Variants in SRP54 observed in about 807,000 individuals in gnomAD.
SRP54 encodes signal recognition particle subunit SRP54.
Under a neutral mutation model 64.8 loss-of-function variants are expected in SRP54, and 10 were observed. The observed-to-expected ratio is 0.15, with a 90% CI of 0.10 to 0.26. The LOEUF is 0.26. Among genes scored for constraint, SRP54 ranks in the 10% least tolerant of loss-of-function variants. The probability of loss-of-function intolerance (pLI) is 1.00; values close to 1 mark genes in which losing one functional copy is unlikely to be tolerated. For missense variants in SRP54, 325 were observed against 613.7 expected, an observed-to-expected ratio of 0.53 and a Z score of 4.97; for synonymous variants, 193 against 185.6, an observed-to-expected ratio of 1.04 and a Z score of -0.32.
chr14:34,994,523 T>C (rs1327375992), intron 1 of SRP54, among the ~76,000 whole-genome samples: 1 of 152,166 alleles, frequency 6.6e-6, no homozygotes, highest in Non-Finnish European at 1.5e-5. Flanking sequence ...TGTATACACC[T>C]CTGTCCTAAG....
chr14:35,014,411 G>A (rs1274254122), intron 10 of SRP54, among the ~76,000 whole-genome samples: 1 of 151,898 alleles, frequency 6.6e-6, no homozygotes, highest in African/African-American at 2.4e-5. Flanking sequence ...CCAGGTAGCT[G>A]GGATTACAGG....
At chr14:35,010,624 G>T (rs1340145005) in intron 7 of SRP54, among the ~76,000 whole-genome samples, 1 of 151,646 alleles carries the variant, frequency 6.6e-6, no homozygotes, top group Admixed American at 6.6e-5. Flanking sequence ...AATTAGCCAG[G>T]CCTGGTGGCA....
intron 8 of SRP54, among the ~76,000 whole-genome samples, chr14:35,012,373 G>C (rs2044369441): frequency 6.6e-6 from 1 of 152,062 alleles, no homozygotes; most frequent in Non-Finnish European, 1.5e-5. Context: ...ACAATTTGGG[G>C]GAGGAGAAGC....
At chr14:35,015,622 T>C (rs1333382239) in intron 11 of SRP54, among the ~76,000 whole-genome samples, 1 of 152,228 alleles carries the variant, frequency 6.6e-6, no homozygotes, top group Non-Finnish European at 1.5e-5. Context: ...TACTAACTAC[T>C]TCATATGGTT....
chr14:35,018,460 T>G (rs1566654649), intron 11 of SRP54, among the ~76,000 whole-genome samples: 1 of 152,244 alleles, frequency 6.6e-6, no homozygotes, highest in Non-Finnish European at 1.5e-5. Flanking sequence ...TTTGTATATG[T>G]GTCTTCTCAG....
chr14:35,011,858 T>C (rs908025816), intron 8 of SRP54, among the ~76,000 whole-genome samples, 199 bp downstream of exon 8: 1 of 152,218 alleles, frequency 6.6e-6, no homozygotes, highest in South Asian at 2.1e-4. Flanking sequence ...TATAAAATTT[T>C]CATAAGTATG....
At chr14:35,005,871 G>A (rs1046283043) in intron 4 of SRP54, among the ~76,000 whole-genome samples, 3 of 150,616 alleles carry the variant, frequency 2.0e-5, no homozygotes, top group African/African-American at 7.3e-5. Context: ...ATGGAGTCTC[G>A]CTCTGTCACC....
chr14:34,987,078 A>G (rs1375687745), intron 1 of SRP54, among the ~76,000 whole-genome samples: 1 of 150,828 alleles, frequency 6.6e-6, no homozygotes, highest in Non-Finnish European at 1.5e-5. Context: ...TAAAAATACA[A>G]AAAATTAGCC....
intron 1 of SRP54, among the ~76,000 whole-genome samples, chr14:34,993,886 G>T (rs2044023056): frequency 6.6e-6 from 1 of 151,892 alleles, no homozygotes; most frequent in East Asian, 1.9e-4. Context: ...GTAGAGACGG[G>T]GTTTCTCCAT....
At chr14:35,021,484 T>A (rs941000489) in intron 13 of SRP54, among the ~76,000 whole-genome samples, 2 of 151,956 alleles carry the variant, frequency 1.3e-5, no homozygotes, top group African/African-American at 4.8e-5. Context: ...ACAAAAAAAA[T>A]TAGCTGGCTG....
intron 2 of SRP54, among the ~76,000 whole-genome samples, chr14:34,999,212 G>A (rs1338020469): frequency 6.6e-6 from 1 of 151,610 alleles, no homozygotes; most frequent in African/African-American, 2.4e-5. Flanking sequence ...ATGAGGTTTC[G>A]CCATGTTGGC....
At chr14:34,988,807 G>C (rs576752440) in intron 1 of SRP54, among the ~76,000 whole-genome samples, 40 of 151,458 alleles carry the variant, frequency 2.6e-4, no homozygotes, top group Non-Finnish European at 4.7e-4. Context: ...TTGCTATCTG[G>C]GGGGGATTGA....
At chr14:35,007,984 C>T (rs2044294481) in intron 5 of SRP54, among the ~76,000 whole-genome samples, 1 of 151,786 alleles carries the variant, frequency 6.6e-6, no homozygotes, top group South Asian at 2.1e-4. Flanking sequence ...AAGACCATTC[C>T]TATCCTTTCA....
intron 15 of SRP54, 32 bp downstream of exon 15, chr14:35,028,215 C>T: frequency 7.3e-7 from 1 of 1,373,916 alleles, no homozygotes; most frequent in Non-Finnish European, 1.0e-6. Flanking sequence ...GTTGCTAATG[C>T]AGTTTAATTT....
chr14:34,983,208 C>G lies in SRP54; in HGVS notation c.-41C>G, dbSNP rs1390081621. ...CTCAGGGCCACGGCTTTAGCGGTGT[C>G]TTTTGCGGTAAGTGTCTGCTTTTTC... is the stretch of plus-strand genomic sequence containing the variant. On this transcript the variant is annotated 5_prime_UTR_variant, in exon 1 of 16. Transcript: ENST00000216774. 6.6e-6 allele frequency: 1 copy of G among 152,338 alleles called. No homozygotes were observed. The highest frequency in any genetic ancestry group is 2.4e-5 in the African/African-American group (1 of 41,454). 9.4% of individuals were successfully genotyped at this position (152,338 alleles called of 1,614,324 possible).
chr14:35,013,630 G>C, intron 9 of SRP54, 136 bp downstream of exon 9: 1 of 1,213,408 alleles, frequency 8.2e-7, no homozygotes, highest in Non-Finnish European at 1.1e-6. Flanking sequence ...AGTTTAAATA[G>C]AAACAATTTT....
At chr14:35,024,647 CTTGT>C (rs1415929359) in intron 14 of SRP54, among the ~76,000 whole-genome samples, 1 of 144,732 alleles carries the variant, frequency 6.9e-6, no homozygotes, top group Non-Finnish European at 1.5e-5. Flanking sequence ...ACAGCTTCCC[CTTGT>C]TTATTTTTTC....
intron 9 of SRP54, 53 bp downstream of exon 9, chr14:35,013,547 T>G: frequency 8.0e-6 from 12 of 1,507,630 alleles, no homozygotes; most frequent in Non-Finnish European, 1.1e-5. Flanking sequence ...TGGGGAAGGA[T>G]ATGTGTTTAT....
intron 1 of SRP54, among the ~76,000 whole-genome samples, chr14:34,991,700 T>A (rs1225453875): frequency 6.8e-6 from 1 of 146,148 alleles, no homozygotes; most frequent in Admixed American, 6.9e-5. Context: ...GAGGTCAGTA[T>A]GATTAAAATC....
Sources: gnomAD v4.1 joint callset for allele counts (sites outside exome capture counted in the v4.1 genomes callset) on GRCh38, gnomAD v4.1.1 for gene constraint, MANE v1.5 for transcripts, NCBI Gene and HGNC (gene_info 2026-07-23, HGNC 2026-07-21) for gene names.